Variants in FKBP15 observed in about 807,000 individuals in gnomAD.
FKBP15 encodes FKBP prolyl isomerase family member 15.
Under a neutral mutation model 158.1 loss-of-function variants are expected in FKBP15, and 106 were observed. The observed-to-expected ratio is 0.67, with a 90% confidence interval of 0.57 to 0.79. The LOEUF is 0.79. Ranked by LOEUF, FKBP15 falls within the 30% of genes least tolerant of loss-of-function variation. The pLI is 0.00. For synonymous variants in FKBP15, 547 were observed against 548.6 expected, an observed-to-expected ratio of 1.00 and a Z score of 0.04; for missense variants, 1,287 against 1,479.1, an observed-to-expected ratio of 0.87 and a Z score of 2.13.
At chr9:113,183,016 A>C in intron 18 of FKBP15, 148 bp from the exon 19 acceptor site, 2 of 706,650 alleles carry the variant, frequency 2.8e-6, no homozygotes, top group Non-Finnish European at 2.4e-6. Context: ...CTTAGATCTG[A>C]AGTAGTGAGA....
rs1488974850 is a variant in FKBP15 at position 113,175,034 on chromosome 9, T to G, written c.2224-451A>C. ...GCCGAGATCCCGCCACTGCACTCCA[T>G]CCTGGGCGACAGAGCGAGACTCCGC... On this transcript the variant is annotated intron_variant, in intron 21 of 27. Coordinates refer to ENST00000238256, the MANE Select transcript of FKBP15 (RefSeq NM_015258.2). Among the ~76,000 whole-genome samples the G allele has an allele frequency of 2.7e-3, 10 of 3,662 alleles. 4 individuals carry two copies. Among genetic ancestry groups the G allele is most frequent in the Non-Finnish European group, 4.9e-3 (10 of 2,026 alleles). 2.4% of individuals were successfully genotyped at this position (3,662 alleles called of 152,430 possible). A position where few individuals can be genotyped will look rare whatever the true frequency, so the allele number is the denominator to read the frequency against.
intron 3 of FKBP15, 59 bp downstream of exon 3, chr9:113,207,147 AAAAAGT>A: frequency 7.9e-7 from 1 of 1,267,760 alleles, no homozygotes; most frequent in Non-Finnish European, 1.1e-6. Context: ...GTTTTTCGAG[AAAAAGT>A]AGCTTAACTG....
Position 113,206,566 on chromosome 9 carries a change from T to TTGAC in FKBP15, c.263_266dup (p.Tyr90SerfsTer22). On this transcript the variant is annotated frameshift_variant, in exon 4 of 28. Transcript: ENST00000238256. LOFTEE classifies it high-confidence loss of function. ...CACCAAATTTGCCCTGCTTTACATA[T>TTGAC]TGACCATTTGTGCTATAAAAGGAAG... The TTGAC allele has an allele frequency of 6.2e-7, 1 of 1,613,844 alleles. No homozygotes were observed. The highest frequency in any genetic ancestry group is 1.7e-5 in the Admixed American group (1 of 60,012).
intron 1 of FKBP15, among the ~76,000 whole-genome samples, chr9:113,220,547 A>T (rs1831229420): frequency 6.6e-6 from 1 of 152,238 alleles, no homozygotes; most frequent in Non-Finnish European, 1.5e-5. Context: ...GCTATTATTC[A>T]TTCAACAGCC....
In FKBP15 at chr9:113,161,402, G is replaced by T. The variant is rs1286656545; in HGVS notation, c.*4676C>A. The T allele has an allele frequency of 6.1e-6, 6 of 976,380 alleles. No individual in the cohort carries two copies. 60.5% of individuals were successfully genotyped at this position (976,380 alleles called of 1,614,324 possible). On this transcript the variant is annotated 3_prime_UTR_variant, in exon 28 of 28. Transcript: ENST00000238256. ...GGAACTCAGCAAGGGTGGGGAAGAAGGTGCAGGATAGAGGTGGATGGAGTG... is the reference window on the plus strand; with the variant it reads ...GGAACTCAGCAAGGGTGGGGAAGAATGTGCAGGATAGAGGTGGATGGAGTG...
At chr9:113,182,713 T>C (rs1830420146) in intron 19 of FKBP15, 53 bp downstream of exon 19, 4 of 1,448,084 alleles carry the variant, frequency 2.8e-6, no homozygotes, top group Non-Finnish European at 2.9e-6. Context: ...CATGGGACCA[T>C]TCCTTAGCTC....
chr9:113,169,941 A>G lies in FKBP15; in HGVS notation c.2768T>C (p.Met923Thr), dbSNP rs757981753. Residue 923 changes from methionine to threonine, a missense_variant and splice_region_variant, in exon 26 of 28, where the codon ATG becomes ACG. Transcript: ENST00000238256. ...ILGTIMNTIK[M>T]VTLQLLNQQE... ...TTGGTTTAACAGCTGAAGAGTCACCATCTATTCAAAAGCCAAGGAAGAGAT... is the reference window on the plus strand; with the variant it reads ...TTGGTTTAACAGCTGAAGAGTCACCGTCTATTCAAAAGCCAAGGAAGAGAT... 6.8e-5 allele frequency: 104 copies of G among 1,537,194 alleles called. No individual in the cohort carries two copies. The highest frequency in any genetic ancestry group is 8.8e-5 in the Non-Finnish European group (101 of 1,143,888).
In FKBP15 at chr9:113,170,630, CTG is replaced by C; in HGVS notation, c.2659-3_2659-2del. On this transcript the variant is annotated splice_acceptor_variant and splice_polypyrimidine_tract_variant and intron_variant, in intron 24 of 27. Coordinates refer to ENST00000238256, the MANE Select transcript of FKBP15 (RefSeq NM_015258.2). LOFTEE classifies it high-confidence loss of function. The stretch of plus-strand genomic sequence containing the variant: ...ACACCTGGTTCATGATCTTCTTGAC[CTG>C]TGTGAACATCAAAACACATGCTGTC... The C allele has an allele frequency of 6.2e-7, 1 of 1,604,494 alleles. No individual in the cohort carries two copies. The highest frequency in any genetic ancestry group is 8.5e-7 in the Non-Finnish European group (1 of 1,171,284).
Position 113,169,405 on chromosome 9 carries a change from G to C in FKBP15, c.3304C>G (p.Pro1102Ala). 6.2e-7 allele frequency: 1 copy of C among 1,614,008 alleles called. No homozygotes were observed. The highest frequency in any genetic ancestry group is 8.5e-7 in the Non-Finnish European group (1 of 1,179,882). Reference protein sequence around the residue: ...SSTRLSLTSDPEEGDPLALGP... With the variant: ...SSTRLSLTSDAEEGDPLALGP... ...AAGGCCAGTGGGTCCCCCTCCTCGGGGTCTGAAGTCAGGGACAGTCTTGTG... is the reference window on the plus strand; with the variant it reads ...AAGGCCAGTGGGTCCCCCTCCTCGGCGTCTGAAGTCAGGGACAGTCTTGTG... Residue 1102 changes from proline to alanine, a missense_variant, in exon 26 of 28, where the codon CCC becomes GCC. By Grantham distance (27) the Pro-to-Ala change is conservative. Coordinates refer to ENST00000238256, the MANE Select transcript of FKBP15 (RefSeq NM_015258.2).
At position 113,164,135 on chromosome 9, in the gene FKBP15, A is replaced by G. The variant is rs1830062602; in HGVS notation, c.*1943T>C. Reference sequence around the variant, plus strand: ...CATTTTAGTAAATATATATTTTTAAATAGTCTATGACTGTTCTGTTCTCCT... The same window carrying G: ...CATTTTAGTAAATATATATTTTTAAGTAGTCTATGACTGTTCTGTTCTCCT... On this transcript the variant is annotated 3_prime_UTR_variant, in exon 28 of 28. Coordinates refer to ENST00000238256, the MANE Select transcript of FKBP15 (RefSeq NM_015258.2). 6.5e-6 allele frequency: 1 copy of G among 152,678 alleles called. No homozygotes were observed. The highest frequency in any genetic ancestry group is 1.5e-5 in the Non-Finnish European group (1 of 68,054). The allele number at this position is 152,678 out of a possible 1,614,324, so 9.5% of individuals were successfully genotyped here. A position where few individuals can be genotyped will look rare whatever the true frequency, so the allele number is the denominator to read the frequency against.
intron 19 of FKBP15, among the ~76,000 whole-genome samples, chr9:113,179,782 T>TA (rs200568868): frequency 5.9e-4 from 90 of 151,960 alleles, no homozygotes; most frequent in African/African-American, 2.0e-3. Flanking sequence ...GCTTTCACTT[T>TA]AAAAAATAAA....
chr9:113,178,721 C>T lies in FKBP15; in HGVS notation c.1995G>A (p.Lys665=). The change falls in exon 20 of 28, where the codon AAG becomes AAA. Residue 665 remains lysine (K), a synonymous_variant. Transcript: ENST00000238256. ...TCAGCTGCATCTGCAGCTCTGTTTC[C>T]TTTTTTTGGTGAGCAGTCATTTTCA... ...LQLKMTAHQK[K]ETELQMQLTE... 1 of 1,608,730 alleles carries T rather than the reference C, an allele frequency of 6.2e-7. No individual in the cohort carries two copies. The highest frequency in any genetic ancestry group is 8.5e-7 in the Non-Finnish European group (1 of 1,177,536).
At chr9:113,218,389 A>T (rs1026682688) in intron 1 of FKBP15, among the ~76,000 whole-genome samples, 59 of 41,784 alleles carry the variant, frequency 1.4e-3, no homozygotes, top group African/African-American at 3.3e-3. Context: ...ATATATATAT[A>T]TATATATATA....
Position 113,174,473 on chromosome 9 carries a change from G to A in FKBP15, c.2334C>T (p.Leu778=), listed in dbSNP as rs1830267985. 1 of 1,613,832 alleles carries A rather than the reference G, an allele frequency of 6.2e-7. No homozygotes were observed. Among genetic ancestry groups the A allele is most frequent in the Admixed American group, 1.7e-5 (1 of 59,994 alleles). Residue 778 remains leucine (L), a synonymous_variant, in exon 22 of 28, where the codon CTC becomes CTT. Coordinates refer to ENST00000238256, the MANE Select transcript of FKBP15 (RefSeq NM_015258.2). ...YQEELDKLRQ[L]LKKTRVSTDQ... ...CTGTGGACACTCGAGTCTTTTTCAA[G>A]AGCTGTCGAAGTTTGTCCAATTCCT... is the stretch of plus-strand genomic sequence containing the variant.
intron 1 of FKBP15, 59 bp from the exon 2 acceptor site, chr9:113,211,651 A>G: frequency 7.7e-7 from 1 of 1,301,432 alleles, no homozygotes; most frequent in East Asian, 2.6e-5. Flanking sequence ...TGGAATTATT[A>G]TAAAAGCTGC....
At chr9:113,214,970 G>A (rs1831089139) in intron 1 of FKBP15, among the ~76,000 whole-genome samples, 2 of 152,216 alleles carry the variant, frequency 1.3e-5, no homozygotes, top group Admixed American at 6.5e-5. Flanking sequence ...AGCCTTCACA[G>A]AATTGAAAAG....
In FKBP15 at chr9:113,176,660, G is replaced by A. The variant is rs1181762263; in HGVS notation, c.2100C>T (p.Thr700=). 8 of 1,609,070 alleles carry A rather than the reference G, an allele frequency of 5.0e-6. No homozygotes were observed. The highest frequency in any genetic ancestry group is 6.8e-6 in the Non-Finnish European group (8 of 1,177,212). The change falls in exon 21 of 28, where the codon ACC becomes ACT. Residue 700 remains threonine, a synonymous_variant. Coordinates refer to ENST00000238256, the MANE Select transcript of FKBP15 (RefSeq NM_015258.2). ...VQAKLSELQE[T]SEQAQSKFKS... is the part of the protein sequence containing the mutation. The stretch of plus-strand genomic sequence containing the variant: ...TGAATTTGGACTGTGCTTGCTCAGA[G>A]GTTTCTTGGAGCTCTGGGATACAGG...
At chr9:113,194,538 C>T (rs111740601) in intron 9 of FKBP15, among the ~76,000 whole-genome samples, 479 of 151,464 alleles carry the variant, frequency 3.2e-3, no homozygotes, top group African/African-American at 0.011. Context: ...TTTTTCCTTA[C>T]ACAAGCCATT....
rs748284146 is a variant in FKBP15, at chr9:113,184,779, G to C, written c.1524C>G (p.Leu508=). The C allele has an allele frequency of 1.2e-6, 2 of 1,601,836 alleles. No individual in the cohort carries two copies. The highest frequency in any genetic ancestry group is 3.4e-5 in the Admixed American group (2 of 57,972). The change falls in exon 16 of 28, where the codon CTC becomes CTG. Residue 508 remains leucine, a synonymous_variant. Coordinates refer to ENST00000238256, the MANE Select transcript of FKBP15 (RefSeq NM_015258.2). This position sits in a 1 kb window ranked among gnomAD's most constrained non-coding sequence, Gnocchi z 4.5. Reference sequence around the variant, plus strand: ...TGTTATGTTGCCGGGCTTCAGTCATGAGAAATGAAGCCATATCACCTGATC... The same window carrying C: ...TGTTATGTTGCCGGGCTTCAGTCATCAGAAATGAAGCCATATCACCTGATC... ...FQGSGDMASF[L]MTEARQHNTE...
Sources: gnomAD v4.1 joint callset for allele counts (sites outside exome capture counted in the v4.1 genomes callset) on GRCh38, gnomAD v4.1.1 for gene constraint, Gnocchi (gnomAD v3.1) non-coding constraint, MANE v1.5 for transcripts, NCBI Gene and HGNC (gene_info 2026-07-23, HGNC 2026-07-21) for gene names.